The following FRMD5 variants were observed in gnomAD, a reference collection of about 807,000 sequenced individuals.
The protein encoded by FRMD5 is FERM domain containing 5.
Under a neutral mutation model 69.0 loss-of-function variants are expected in FRMD5, and 20 were observed. The ratio of observed to expected loss-of-function variants is 0.29; its 90% CI spans 0.20 to 0.42. The LOEUF (loss-of-function observed/expected upper bound fraction) is 0.42. FRMD5 is among the 10% of genes least tolerant of loss of function. The pLI is 1.00. For synonymous variants in FRMD5, 271 were observed against 260.1 expected, an observed-to-expected ratio of 1.04 and a Z score of -0.40; for missense variants, 595 against 708.6, an observed-to-expected ratio of 0.84 and a Z score of 1.82.
intron 1 of FRMD5, among the ~76,000 whole-genome samples, chr15:44,112,550 T>C (rs538446036): frequency 1.3e-5 from 2 of 151,298 alleles, no homozygotes; most frequent in African/African-American, 4.9e-5. Flanking sequence ...CACTGCAAGC[T>C]CCACCTCCCG....
At chr15:43,972,545 C>G (rs750863456) in intron 1 of FRMD5, among the ~76,000 whole-genome samples, 4 of 152,078 alleles carry the variant, frequency 2.6e-5, no homozygotes, top group Admixed American at 6.6e-5. Context: ...AAAAAGGTAC[C>G]TCTTCCTCTG....
intron 1 of FRMD5, among the ~76,000 whole-genome samples, chr15:44,061,511 TATC>T (rs1460048800): frequency 6.6e-6 from 1 of 152,208 alleles, no homozygotes; most frequent in African/African-American, 2.4e-5. Flanking sequence ...GCTGGACTAT[TATC>T]ATTACCCTTT....
At position 43,964,938 on chromosome 15, in the gene FRMD5, G is replaced by A. The variant is rs150926088; in HGVS notation, c.103-40629C>T. 2.7e-4 allele frequency among the ~76,000 whole-genome samples: 41 copies of A among 152,298 alleles called. No homozygotes were observed. The East Asian group carries it at 5.4e-3, about 20-fold the overall frequency. ...AGGCAAAAGACTGCAGGAGAACTAA[G>A]TATAATTAGGGTTGCTGTGAAATAA... On this transcript the variant is annotated intron_variant, in intron 1 of 13. Transcript: ENST00000417257.
intron 1 of FRMD5, among the ~76,000 whole-genome samples, chr15:44,127,513 C>T (rs1049459556): frequency 1.3e-5 from 2 of 152,160 alleles, no homozygotes; most frequent in Non-Finnish European, 2.9e-5. Context: ...TCCCCACTTC[C>T]ATGACTACTG....
chr15:43,891,503 T>C (rs774419865), intron 8 of FRMD5, among the ~76,000 whole-genome samples: 7 of 152,072 alleles, frequency 4.6e-5, no homozygotes, highest in Non-Finnish European at 7.4e-5. Context: ...CTGAGGAGGG[T>C]GTTTTGCCAA....
Position 44,194,942 on chromosome 15 carries a change from G to A in FRMD5, c.102+11C>T, listed in dbSNP as rs998529755. 21 of 1,515,720 alleles carry A rather than the reference G, an allele frequency of 1.4e-5. 1 individual carries two copies. In the Admixed American group the frequency reaches 2.3e-4, roughly 16 times the overall value. 93.9% of individuals were successfully genotyped at this position (1,515,720 alleles called of 1,614,324 possible). The stretch of plus-strand genomic sequence containing the variant: ...GGTCCCGCGGGCGGGGCGGGGCGGC[G>A]CGGCGCTGACCTGGATGGTGCAGGT... On this transcript the variant is annotated intron_variant, in intron 1 of 13. Coordinates refer to ENST00000417257, the MANE Select transcript of FRMD5 (RefSeq NM_032892.5).
chr15:43,893,631 T>A (rs1415694200), intron 7 of FRMD5, among the ~76,000 whole-genome samples: 1 of 151,684 alleles, frequency 6.6e-6, no homozygotes, highest in South Asian at 2.1e-4. Context: ...TGCAGGAGAG[T>A]CTTCTGGGCC....
intron 1 of FRMD5, among the ~76,000 whole-genome samples, chr15:43,956,646 C>T (rs1021495690): frequency 6.6e-6 from 1 of 152,138 alleles, no homozygotes; most frequent in African/African-American, 2.4e-5. Flanking sequence ...AATGTAATTG[C>T]CTATATTAGT....
At chr15:44,025,707 G>C (rs1401136824) in intron 1 of FRMD5, among the ~76,000 whole-genome samples, 1 of 152,140 alleles carries the variant, frequency 6.6e-6, no homozygotes, top group Non-Finnish European at 1.5e-5. Flanking sequence ...TAAGAAAATA[G>C]GGAGTATTAA....
At chr15:44,154,370 A>T (rs1386840928) in intron 1 of FRMD5, among the ~76,000 whole-genome samples, 2 of 152,192 alleles carry the variant, frequency 1.3e-5, no homozygotes, top group Non-Finnish European at 2.9e-5. Flanking sequence ...ACTTTAAAAA[A>T]AAAAGACCAA....
chr15:43,998,819 A>G (rs532223366), intron 1 of FRMD5, among the ~76,000 whole-genome samples: 3 of 152,304 alleles, frequency 2.0e-5, no homozygotes, highest in Admixed American at 6.5e-5. Context: ...AAGACTCCGC[A>G]TTCCAAGACT....
chr15:43,948,151 G>C (rs2089975391), intron 1 of FRMD5, among the ~76,000 whole-genome samples: 1 of 152,236 alleles, frequency 6.6e-6, no homozygotes, highest in Admixed American at 6.5e-5. Flanking sequence ...CTTAGTAAGT[G>C]ACTGAGCTGG....
chr15:44,046,588 C>A (rs937858949), intron 1 of FRMD5, among the ~76,000 whole-genome samples: 2 of 152,216 alleles, frequency 1.3e-5, no homozygotes, highest in East Asian at 1.9e-4. Flanking sequence ...TCTTCCTTCA[C>A]AGCCGCTTTC....
chr15:44,101,159 ACAAC>A (rs1210062939), intron 1 of FRMD5, among the ~76,000 whole-genome samples: 7 of 140,840 alleles, frequency 5.0e-5, no homozygotes, highest in African/African-American at 8.7e-5. Context: ...AAAAAAAAAA[ACAAC>A]AAACAAACAG....
intron 1 of FRMD5, among the ~76,000 whole-genome samples, chr15:44,174,864 A>T (rs916589931): frequency 2.0e-5 from 3 of 152,066 alleles, no homozygotes; most frequent in African/African-American, 7.2e-5. Flanking sequence ...ATGAGAACAC[A>T]TGGACACAGG....
intron 1 of FRMD5, among the ~76,000 whole-genome samples, chr15:44,016,754 G>C (rs1890977633): frequency 1.3e-5 from 2 of 151,694 alleles, no homozygotes; most frequent in African/African-American, 4.8e-5. Flanking sequence ...TGAAGACTTG[G>C]GTTCGAGTCT....
intron 1 of FRMD5, among the ~76,000 whole-genome samples, chr15:44,167,421 G>A (rs2077728568): frequency 6.6e-6 from 1 of 152,072 alleles, no homozygotes; most frequent in South Asian, 2.1e-4. Context: ...GGTTCAGGAA[G>A]GAGAGTGTAG....
intron 1 of FRMD5, among the ~76,000 whole-genome samples, chr15:44,137,363 A>G (rs2077202431): frequency 6.6e-6 from 1 of 152,230 alleles, no homozygotes. Context: ...AATGCAGCCC[A>G]TGGCTGCAAT....
intron 10 of FRMD5, among the ~76,000 whole-genome samples, chr15:43,887,971 C>A (rs927601976): frequency 6.6e-6 from 1 of 152,172 alleles, no homozygotes; most frequent in Non-Finnish European, 1.5e-5. Context: ...AAGAAAACAA[C>A]ACAAAAGCCC....
Sources: allele counts gnomAD v4.1 joint callset (sites outside exome capture counted in the v4.1 genomes callset), GRCh38; gene constraint gnomAD v4.1.1; transcripts MANE v1.5; gene names NCBI Gene and HGNC (gene_info 2026-07-23, HGNC 2026-07-21).